The following F8 variants were observed in gnomAD, a reference collection of about 807,000 sequenced individuals.
F8 encodes the protein antihemophilic factor.
In F8, 12 loss-of-function variants were observed where a neutral mutation model predicts 140.6. That is an observed-to-expected ratio of 0.09 (90% CI 0.05 to 0.14). The LOEUF (loss-of-function observed/expected upper bound fraction) is 0.14. F8 is among the 10% of genes least tolerant of loss of function. F8 has a pLI of 1.00. For synonymous variants in F8, 585 were observed against 614.6 expected, an observed-to-expected ratio of 0.95 and a Z score of 0.71; for missense variants, 1,354 against 1,720.7, an observed-to-expected ratio of 0.79 and a Z score of 3.77.
intron 13 of F8, among the ~76,000 whole-genome samples, chrX:154,943,705 C>T (rs781866743): frequency 7.2e-5 from 8 of 111,595 alleles, no homozygotes; most frequent in Admixed American, 2.9e-4. Context: ...GAGCCCGCAT[C>T]GCCAAGTCAA....
chrX:155,020,776 A>G (rs1002207815), intron 1 of F8, among the ~76,000 whole-genome samples: 10 of 112,508 alleles, frequency 8.9e-5, no homozygotes, highest in African/African-American at 2.9e-4. Flanking sequence ...TAACACAATG[A>G]AAGTAATGAT....
intron 12 of F8, 27 bp downstream of exon 12, chrX:154,953,865 A>T (rs782725802): frequency 8.3e-7 from 1 of 1,210,753 alleles, no homozygotes; most frequent in East Asian, 3.0e-5. Flanking sequence ...TTCACCACCC[A>T]CTGGACTTAA....
chrX:154,912,399 T>C (rs1210214455), intron 14 of F8, among the ~76,000 whole-genome samples: 3 of 112,600 alleles, frequency 2.7e-5, no homozygotes, highest in Non-Finnish European at 5.6e-5. Flanking sequence ...GATAGGGGTT[T>C]AGTTTAATTC....
chrX:154,905,090 G>C, intron 15 of F8, 67 bp from the exon 16 acceptor site: 1 of 873,463 alleles, frequency 1.1e-6, no homozygotes, highest in Non-Finnish European at 1.7e-6. Context: ...GGTCCTTAGG[G>C]TTTACATCCC....
At chrX:154,915,432 C>A (rs1328437233) in intron 14 of F8, among the ~76,000 whole-genome samples, 4 of 112,102 alleles carry the variant, frequency 3.6e-5, no homozygotes, top group African/African-American at 1.3e-4. Context: ...AATATGAATT[C>A]TTCCATTCTA....
At chrX:154,880,939 T>C (rs370651615) in intron 22 of F8, among the ~76,000 whole-genome samples, 3 of 109,282 alleles carry the variant, frequency 2.7e-5, no homozygotes, top group South Asian at 3.9e-4. Flanking sequence ...ATGAGTAATA[T>C]GTAGTGAGTG....
At chrX:154,920,734 A>G (rs949243322) in intron 14 of F8, among the ~76,000 whole-genome samples, 19 of 112,250 alleles carry the variant, frequency 1.7e-4, no homozygotes, top group African/African-American at 5.5e-4. Context: ...GATTACAGCC[A>G]TGAGCCACTG....
At chrX:155,015,035 CA>C (rs1482039856) in intron 1 of F8, among the ~76,000 whole-genome samples, 4 of 112,043 alleles carry the variant, frequency 3.6e-5, no homozygotes, top group Non-Finnish European at 3.8e-5. Context: ...TATAAAGTTA[CA>C]ACAATCAAAA....
At chrX:154,984,151 T>C (rs1557283999) in intron 6 of F8, among the ~76,000 whole-genome samples, 1 of 111,176 alleles carries the variant, frequency 9.0e-6, no homozygotes, top group Non-Finnish European at 1.9e-5. Flanking sequence ...GAGCTCTGGG[T>C]TGTTGTTGGT....
At chrX:155,005,299 A>T in intron 1 of F8, among the ~76,000 whole-genome samples, 1 of 111,647 alleles carries the variant, frequency 9.0e-6, no homozygotes. Flanking sequence ...TTTGGCAGCC[A>T]GGTCATCTGC....
intron 14 of F8, among the ~76,000 whole-genome samples, chrX:154,912,136 C>T (rs1483504388): frequency 8.9e-6 from 1 of 111,824 alleles, no homozygotes; most frequent in African/African-American, 3.3e-5. Flanking sequence ...ATATTTCATC[C>T]CATCCTGTAG....
At position 154,929,848 on chromosome X, in the gene F8, TGTG is replaced by T; in HGVS notation, c.3939_3941del (p.Thr1314del). ...GCTGGCTTGTATTAGGAGATATCCT[TGTG>T]GTGCATGCATATTTCTCTACAATTT... On this transcript the variant is annotated inframe_deletion, in exon 14 of 26. Coordinates refer to ENST00000360256, the MANE Select transcript of F8 (RefSeq NM_000132.4). The T allele has an allele frequency of 8.3e-7, 1 of 1,211,763 alleles. No homozygotes were observed. The highest frequency in any genetic ancestry group is 1.1e-6 in the Non-Finnish European group (1 of 895,334).
intron 22 of F8, among the ~76,000 whole-genome samples, chrX:154,870,484 T>C (rs1169313644): frequency 4.5e-5 from 5 of 111,659 alleles, no homozygotes; most frequent in Non-Finnish European, 9.4e-5. Flanking sequence ...AGGCCTTCGA[T>C]AAAATTCAAC....
At chrX:154,851,491 A>G (rs1430506821) in intron 25 of F8, among the ~76,000 whole-genome samples, 14 of 111,350 alleles carry the variant, frequency 1.3e-4, no homozygotes, top group Admixed American at 4.8e-4. Flanking sequence ...TGGCTGCCCT[A>G]TTTCACATTC....
intron 11 of F8, among the ~76,000 whole-genome samples, chrX:154,955,165 C>CTT (rs1185466045): frequency 0.018 from 642 of 36,075 alleles, 151 homozygotes; most frequent in East Asian, 0.038. Flanking sequence ...ATTTATTAAG[C>CTT]TTTTTTTTTT....
intron 22 of F8, among the ~76,000 whole-genome samples, chrX:154,865,153 C>G (rs2072722329): frequency 9.0e-6 from 1 of 111,049 alleles, no homozygotes; most frequent in Non-Finnish European, 1.9e-5. Context: ...TCAGCAGAAA[C>G]CTTGCAGGTC....
At chrX:154,849,811 G>C (rs1347082841) in intron 25 of F8, among the ~76,000 whole-genome samples, 1 of 109,399 alleles carries the variant, frequency 9.1e-6, no homozygotes, top group Non-Finnish European at 1.9e-5. Context: ...TACCATTTTG[G>C]GAGTCTTACA....
chrX:154,851,218 C>G (rs1465194889), intron 25 of F8, among the ~76,000 whole-genome samples: 2 of 112,474 alleles, frequency 1.8e-5, no homozygotes, highest in Admixed American at 1.9e-4. Flanking sequence ...TAGCATGGAT[C>G]AGTACTTTGA....
intron 14 of F8, chrX:154,919,799 T>C: frequency 3.3e-6 from 1 of 300,852 alleles, no homozygotes; most frequent in South Asian, 5.4e-5. Flanking sequence ...AATCACTGTT[T>C]GTAGTATCTC....
Sources: allele counts gnomAD v4.1 joint callset (sites outside exome capture counted in the v4.1 genomes callset), GRCh38; gene constraint gnomAD v4.1.1; transcripts MANE v1.5; gene names NCBI Gene and HGNC (gene_info 2026-07-23, HGNC 2026-07-21).